Variants in PTK2 observed in about 807,000 individuals in gnomAD.
PTK2 encodes the protein focal adhesion kinase 1.
In PTK2, 45 loss-of-function variants were observed where a neutral mutation model predicts 150.1. That is an observed-to-expected ratio of 0.30 (90% CI 0.24 to 0.38). The LOEUF is 0.38. Among genes scored for constraint, PTK2 ranks in the 10% least tolerant of loss-of-function variants. The pLI is 1.00. For synonymous variants in PTK2, 432 were observed against 449.2 expected (o/e 0.96, Z 0.48); for missense variants, 919 against 1,307.3 (o/e 0.70, Z 4.58).
intron 12 of PTK2, among the ~76,000 whole-genome samples, chr8:140,797,327 TTTAA>T (rs1413482336): frequency 2.0e-5 from 3 of 152,184 alleles, no homozygotes; most frequent in Non-Finnish European, 4.4e-5. Flanking sequence ...AATGAGAAAT[TTTAA>T]TTATTTATTA....
At chr8:140,857,417 T>A (rs13253993) in intron 5 of PTK2, among the ~76,000 whole-genome samples, 64,428 of 152,032 alleles carry the variant, frequency 0.42, 15,358 homozygotes, top group Non-Finnish European at 0.55. Flanking sequence ...GGCCTTTGTA[T>A]CAAATCCAAG....
chr8:140,874,702 G>C (rs372040412), intron 4 of PTK2, among the ~76,000 whole-genome samples: 2 of 152,162 alleles, frequency 1.3e-5, no homozygotes, highest in East Asian at 3.9e-4. Context: ...TATCATAATA[G>C]AAATTAATTT....
chr8:140,913,640 T>C (rs1335847189), intron 2 of PTK2, among the ~76,000 whole-genome samples: 1 of 151,890 alleles, frequency 6.6e-6, no homozygotes, highest in African/African-American at 2.4e-5. Context: ...TACAATATCA[T>C]CAAAAAACAC....
chr8:140,813,831 T>TG (rs34805555), intron 10 of PTK2, among the ~76,000 whole-genome samples: 88,111 of 151,624 alleles, frequency 0.58, 27,209 homozygotes, highest in African/African-American at 0.79. Flanking sequence ...GAGAGTGAGA[T>TG]GGAAAAACCA....
intron 7 of PTK2, among the ~76,000 whole-genome samples, chr8:140,840,881 A>C (rs1403469101): frequency 6.6e-6 from 1 of 152,184 alleles, no homozygotes; most frequent in Non-Finnish European, 1.5e-5. Context: ...GTATAAGGAC[A>C]CAGAGAAGTT....
chr8:140,950,708 T>C (rs915143039), intron 1 of PTK2, among the ~76,000 whole-genome samples: 1 of 152,316 alleles, frequency 6.6e-6, no homozygotes, highest in East Asian at 1.9e-4. Context: ...AAAGATCCTG[T>C]GACACTATTA....
At chr8:140,964,922 T>C (rs1162634362) in intron 1 of PTK2, among the ~76,000 whole-genome samples, 1 of 152,168 alleles carries the variant, frequency 6.6e-6, no homozygotes, top group Non-Finnish European at 1.5e-5. Context: ...ATTTATCCTA[T>C]ATCCTCTTTC....
At chr8:140,888,361 G>A (rs1600770516) in intron 3 of PTK2, among the ~76,000 whole-genome samples, 2 of 152,308 alleles carry the variant, frequency 1.3e-5, no homozygotes, top group Non-Finnish European at 1.5e-5. Context: ...TTCCATTACA[G>A]TGACTCAGTA....
At chr8:140,902,101 T>A (rs918265504) in intron 2 of PTK2, among the ~76,000 whole-genome samples, 6 of 152,046 alleles carry the variant, frequency 3.9e-5, no homozygotes, top group African/African-American at 1.4e-4. Context: ...CGGCACAATC[T>A]TGGCTCACTG....
At chr8:140,952,669 A>C (rs1449825190) in intron 1 of PTK2, among the ~76,000 whole-genome samples, 2 of 152,244 alleles carry the variant, frequency 1.3e-5, no homozygotes, top group East Asian at 3.8e-4. Context: ...GTCCAAGTTT[A>C]TGAGATATGT....
chr8:140,693,564 T>TAAAAA (rs377205785), intron 26 of PTK2, among the ~76,000 whole-genome samples: 3 of 72,454 alleles, frequency 4.1e-5, no homozygotes, highest in South Asian at 4.9e-4. Flanking sequence ...TTGTCTCAAT[T>TAAAAA]AAAAAAAAAA....
At chr8:140,686,482 T>TA in intron 27 of PTK2, 150 bp downstream of exon 30, 1 of 761,254 alleles carries the variant, frequency 1.3e-6, no homozygotes, top group South Asian at 1.7e-5. Flanking sequence ...CTGTACATCA[T>TA]AGATTTTCAT....
At chr8:140,659,097 G>A in exon 32 of PTK2, 1 of 268,018 alleles carries the variant, frequency 3.7e-6, no homozygotes. Context: ...CCACTATGCA[G>A]CTAAGGTAGT....
chr8:140,857,570 TAAAGG>T (rs2100133467), intron 5 of PTK2, among the ~76,000 whole-genome samples: 1 of 151,872 alleles, frequency 6.6e-6, no homozygotes, highest in African/African-American at 2.4e-5. Context: ...CACAAGAAGG[TAAAGG>T]AAAATGGGGC....
At chr8:140,770,081 T>C (rs543700247) in intron 14 of PTK2, among the ~76,000 whole-genome samples, 1 of 152,284 alleles carries the variant, frequency 6.6e-6, no homozygotes, top group South Asian at 2.1e-4. Flanking sequence ...TATTATAAGG[T>C]AGACATAGGC....
At chr8:140,873,997 TC>T (rs1213432959) in intron 4 of PTK2, among the ~76,000 whole-genome samples, 5 of 152,202 alleles carry the variant, frequency 3.3e-5, no homozygotes, top group Non-Finnish European at 7.3e-5. Context: ...CAACTATACT[TC>T]CCACTAAACT....
intron 22 of PTK2, chr8:140,732,508 T>C: frequency 3.8e-6 from 2 of 519,878 alleles, no homozygotes; most frequent in East Asian, 1.1e-4. Context: ...AGTGCCTGGG[T>C]GACTCTTCCT....
rs139449065 is a variant in PTK2, at chr8:140,698,330, G to C, written c.2499+2561C>G. 2.7e-4 allele frequency among the ~76,000 whole-genome samples: 41 copies of C among 152,308 alleles called. No individual in the cohort carries two copies. The East Asian group carries it at 7.1e-3, about 26-fold the overall frequency. ...TAAAAACACAAATCAATTCTGTCTG[G>C]TAAAAGAGGCTATCTAGACAAAAAA... On this transcript the variant is annotated intron_variant, in intron 26 of 31. Coordinates refer to ENST00000522684, the Ensembl canonical transcript of PTK2.
intron 2 of PTK2, among the ~76,000 whole-genome samples, chr8:140,910,222 G>A (rs1166578993): frequency 3.3e-5 from 5 of 152,024 alleles, no homozygotes; most frequent in Non-Finnish European, 5.9e-5. Flanking sequence ...TAAAAGAGTG[G>A]GGGAGGTAAC....
Sources: allele counts gnomAD v4.1 joint callset (sites outside exome capture counted in the v4.1 genomes callset), GRCh38; gene constraint gnomAD v4.1.1; transcripts MANE v1.5; gene names NCBI Gene and HGNC (gene_info 2026-07-23, HGNC 2026-07-21).